Variants in NCKAP5 observed in about 807,000 individuals in gnomAD.
NCKAP5 encodes nck-associated protein 5.
NCKAP5 carries 92 observed loss-of-function variants against 167.0 expected under a neutral mutation model. The observed-to-expected ratio is 0.55, with a 90% CI of 0.47 to 0.66. The LOEUF (loss-of-function observed/expected upper bound fraction) is 0.66. NCKAP5 is among the 30% of genes least tolerant of loss of function. The pLI is 0.00. For synonymous variants in NCKAP5, 891 were observed against 877.4 expected, an observed-to-expected ratio of 1.02 and a Z score of -0.27; for missense variants, 2,378 against 2,315.0, an observed-to-expected ratio of 1.03 and a Z score of -0.56.
intron 5 of NCKAP5, among the ~76,000 whole-genome samples, chr2:133,181,561 G>A (rs2084733163): frequency 7.5e-6 from 1 of 134,150 alleles, no homozygotes; most frequent in Admixed American, 9.1e-5. Flanking sequence ...GAGCCCAGGG[G>A]TTCAGGGCCA....
intron 19 of NCKAP5, among the ~76,000 whole-genome samples, chr2:132,693,244 C>T (rs553912195): frequency 1.1e-4 from 17 of 152,232 alleles, no homozygotes; most frequent in African/African-American, 2.6e-4. Context: ...GCTGCTGATA[C>T]CTGTGAATGT....
rs543074301 is a variant in NCKAP5, at chr2:132,919,523, T to C, written c.580-40607A>G. On this transcript the variant is annotated intron_variant, in intron 8 of 19. Coordinates refer to ENST00000409261, the MANE Select transcript of NCKAP5 (RefSeq NM_207363.3). ...ACGCAAACTAGCTAAAAGAAATTAA[T>C]GTTAACACCAATCACAAGATTAAAT... 7.2e-5 allele frequency among the ~76,000 whole-genome samples: 11 copies of C among 152,216 alleles called. No individual in the cohort carries two copies. In the East Asian group the frequency reaches 2.1e-3, roughly 29 times the overall value.
At chr2:133,385,164 T>G (rs1454829492) in intron 3 of NCKAP5, among the ~76,000 whole-genome samples, 1 of 152,204 alleles carries the variant, frequency 6.6e-6, no homozygotes, top group Non-Finnish European at 1.5e-5. Flanking sequence ...GCCCATTCAG[T>G]ATGATATTGC....
intron 6 of NCKAP5, among the ~76,000 whole-genome samples, chr2:133,067,293 T>A (rs909216676): frequency 3.7e-4 from 57 of 152,364 alleles, no homozygotes; most frequent in African/African-American, 1.3e-3. Context: ...TTCAAAAGCT[T>A]ATAAGATTTT....
At chr2:133,527,256 G>C (rs1446149064) in intron 2 of NCKAP5, 2 of 152,102 alleles carry the variant, frequency 1.3e-5, no homozygotes, top group Admixed American at 1.3e-4. Context: ...CCAGCAAAAG[G>C]TTTAACTATG....
chr2:133,403,887 A>ATGTGTGTGTG (rs138024785), intron 3 of NCKAP5, among the ~76,000 whole-genome samples: 21 of 148,118 alleles, frequency 1.4e-4, no homozygotes, highest in African/African-American at 3.0e-4. Flanking sequence ...AGTCAGGTGG[A>ATGTGTGTGTG]TGTGTGTGTG....
intron 16 of NCKAP5, among the ~76,000 whole-genome samples, chr2:132,766,127 A>T (rs572993768): frequency 5.3e-5 from 8 of 152,044 alleles, no homozygotes; most frequent in African/African-American, 1.9e-4. Flanking sequence ...TAAAAATATA[A>T]AAATTAGCTG....
At chr2:133,071,536 T>C (rs1355209220) in intron 6 of NCKAP5, among the ~76,000 whole-genome samples, 2 of 152,252 alleles carry the variant, frequency 1.3e-5, no homozygotes, top group Non-Finnish European at 1.5e-5. Context: ...TGTCAGTCTT[T>C]ATATTATTCT....
chr2:132,971,458 C>T (rs534266723), intron 7 of NCKAP5, among the ~76,000 whole-genome samples: 5 of 152,278 alleles, frequency 3.3e-5, no homozygotes, highest in East Asian at 1.9e-4. Context: ...TGAGAAGTCA[C>T]TGAATGGAAT....
At chr2:132,862,794 G>A (rs2148724697) in intron 10 of NCKAP5, among the ~76,000 whole-genome samples, 1 of 150,094 alleles carries the variant, frequency 6.7e-6, no homozygotes, top group East Asian at 1.9e-4. Flanking sequence ...AAAAAACAAA[G>A]GTGAAACTTT....
chr2:133,436,309 T>G (rs1225144123), intron 3 of NCKAP5, among the ~76,000 whole-genome samples: 1 of 152,182 alleles, frequency 6.6e-6, no homozygotes, highest in Admixed American at 6.5e-5. Context: ...CGGGATGGAA[T>G]AGAGACCAGG....
intron 3 of NCKAP5, among the ~76,000 whole-genome samples, chr2:133,393,969 G>A (rs940941214): frequency 8.5e-5 from 13 of 152,194 alleles, no homozygotes. Context: ...ATTCTCATCA[G>A]GGATCTTGGG....
chr2:132,687,750 CACACA>C (rs1356058204), intron 19 of NCKAP5, among the ~76,000 whole-genome samples: 3 of 150,190 alleles, frequency 2.0e-5, no homozygotes, highest in African/African-American at 7.5e-5. Flanking sequence ...CACACACACA[CACACA>C]CCCTTCCTCT....
intron 8 of NCKAP5, among the ~76,000 whole-genome samples, chr2:132,922,929 T>TG (rs1251854824): frequency 6.6e-6 from 1 of 152,198 alleles, no homozygotes; most frequent in African/African-American, 2.4e-5. Flanking sequence ...ATTTCAGGAG[T>TG]GGGGGCTGGA....
At chr2:132,950,623 A>T (rs2076155686) in intron 8 of NCKAP5, among the ~76,000 whole-genome samples, 1 of 152,214 alleles carries the variant, frequency 6.6e-6, no homozygotes, top group Admixed American at 6.5e-5. Flanking sequence ...TTCTCTCATA[A>T]AACTAGACTG....
chr2:132,786,864 G>C (rs1269572019), intron 13 of NCKAP5, among the ~76,000 whole-genome samples: 2 of 152,186 alleles, frequency 1.3e-5, no homozygotes, highest in African/African-American at 2.4e-5. Context: ...AAAAGTGGCA[G>C]TGAGGGGACA....
At chr2:133,303,365 GAAGA>G (rs1680539241) in intron 3 of NCKAP5, among the ~76,000 whole-genome samples, 1 of 152,152 alleles carries the variant, frequency 6.6e-6, no homozygotes, top group East Asian at 1.9e-4. Context: ...CTTATTCACA[GAAGA>G]AAGGCCTAAA....
At chr2:132,922,674 C>A (rs533080796) in intron 8 of NCKAP5, among the ~76,000 whole-genome samples, 1 of 152,252 alleles carries the variant, frequency 6.6e-6, no homozygotes, top group Admixed American at 6.5e-5. Context: ...ATAATTTAAT[C>A]CTCACAAGGG....
At chr2:133,590,286 C>T in the NCKAP5 span, among the ~76,000 whole-genome samples, 5 of 151,352 alleles carry the variant, frequency 3.3e-5, no homozygotes, top group East Asian at 3.9e-4. Context: ...GTTAGGAGAT[C>T]GAGACCATCC....
Sources: allele counts gnomAD v4.1 joint callset (sites outside exome capture counted in the v4.1 genomes callset), GRCh38; gene constraint gnomAD v4.1.1; transcripts MANE v1.5; gene names NCBI Gene and HGNC (gene_info 2026-07-23, HGNC 2026-07-21).